Variants in ENTREP2 observed in about 807,000 individuals in gnomAD.
The protein encoded by ENTREP2 is protein ENTREP2.
the ENTREP2 span, among the ~76,000 whole-genome samples, chr15:29,353,350 C>A: frequency 6.6e-6 from 1 of 152,130 alleles, no homozygotes; most frequent in African/African-American, 2.4e-5. Flanking sequence ...CAGACAAGAG[C>A]CCTGTGTGTC....
At chr15:29,640,210 T>C in the ENTREP2 span, among the ~76,000 whole-genome samples, 1 of 152,146 alleles carries the variant, frequency 6.6e-6, no homozygotes, top group African/African-American at 2.4e-5. Flanking sequence ...TAAAAAAGAA[T>C]TGTGAGGAAA....
chr15:29,150,527 T>C, the ENTREP2 span, among the ~76,000 whole-genome samples: 1 of 152,250 alleles, frequency 6.6e-6, no homozygotes, highest in South Asian at 2.1e-4. Flanking sequence ...ACCTTTCCTT[T>C]ACAGAACACG....
At chr15:29,467,687 G>A in the ENTREP2 span, among the ~76,000 whole-genome samples, 1 of 152,120 alleles carries the variant, frequency 6.6e-6, no homozygotes, top group Admixed American at 6.5e-5. Context: ...CTCCTTAGAG[G>A]AACACACGTT....
At chr15:29,133,333 C>T in the ENTREP2 span, among the ~76,000 whole-genome samples, 1 of 152,186 alleles carries the variant, frequency 6.6e-6, no homozygotes, top group East Asian at 1.9e-4. Flanking sequence ...GGCTTTTATA[C>T]CCCCAACTTC....
chr15:29,653,347 T>C, the ENTREP2 span, among the ~76,000 whole-genome samples: 1 of 152,188 alleles, frequency 6.6e-6, no homozygotes, highest in South Asian at 2.1e-4. Flanking sequence ...CTCTAACCCT[T>C]ATATCGATTT....
the ENTREP2 span, among the ~76,000 whole-genome samples, chr15:29,394,883 T>TC: frequency 7.2e-3 from 506 of 70,512 alleles, 1 homozygote; most frequent in East Asian, 0.019. Context: ...TCAGAATCTC[T>TC]TTTTTTTTTT....
chr15:29,158,693 C>T, the ENTREP2 span, among the ~76,000 whole-genome samples: 1,653 of 149,428 alleles, frequency 0.011, 17 homozygotes, highest in Non-Finnish European at 0.018. Flanking sequence ...TATAAAATTC[C>T]TTTACAAGGT....
chr15:29,466,955 C>T, the ENTREP2 span, among the ~76,000 whole-genome samples: 2 of 133,168 alleles, frequency 1.5e-5, no homozygotes, highest in African/African-American at 5.7e-5. Flanking sequence ...CAGGGGAGGG[C>T]CCAGGGGAGG....
the ENTREP2 span, chr15:29,381,749 CA>C: frequency 3.2e-6 from 5 of 1,549,178 alleles, no homozygotes; most frequent in Admixed American, 2.0e-5. Context: ...GCTCCAAGGC[CA>C]CCTGGAGACG....
the ENTREP2 span, among the ~76,000 whole-genome samples, chr15:29,213,531 T>C: frequency 3.3e-5 from 5 of 152,158 alleles, no homozygotes; most frequent in African/African-American, 1.2e-4. Flanking sequence ...GATTCCTAGG[T>C]ATTTTATTCT....
the ENTREP2 span, among the ~76,000 whole-genome samples, chr15:29,655,859 TAGTAAA>T: frequency 1.3e-5 from 2 of 152,008 alleles, no homozygotes; most frequent in Non-Finnish European, 2.9e-5. Context: ...ACTCTGTCTC[TAGTAAA>T]AGTGCAAAAA....
At chr15:29,240,288 C>T in the ENTREP2 span, among the ~76,000 whole-genome samples, 15 of 151,702 alleles carry the variant, frequency 9.9e-5, no homozygotes, top group African/African-American at 2.7e-4. Flanking sequence ...CGCTTGAACC[C>T]GGGAGGCGGA....
At chr15:29,428,879 T>C in the ENTREP2 span, among the ~76,000 whole-genome samples, 1 of 152,176 alleles carries the variant, frequency 6.6e-6, no homozygotes, top group African/African-American at 2.4e-5. Context: ...GGATCACCAG[T>C]GTCACAAGCA....
chr15:29,640,910 G>A, the ENTREP2 span, among the ~76,000 whole-genome samples: 1 of 152,102 alleles, frequency 6.6e-6, no homozygotes, highest in Non-Finnish European at 1.5e-5. Context: ...TATGAGTACA[G>A]ATGCAAAAAT....
chr15:29,197,686 A>G, the ENTREP2 span, among the ~76,000 whole-genome samples: 4 of 152,136 alleles, frequency 2.6e-5, no homozygotes, highest in Middle Eastern at 3.4e-3. Context: ...GAATCGCTTG[A>G]ACCCAGGATG....
chr15:29,574,589 G>A, the ENTREP2 span, among the ~76,000 whole-genome samples: 1 of 152,114 alleles, frequency 6.6e-6, no homozygotes, highest in Admixed American at 6.5e-5. Flanking sequence ...CACCACACCC[G>A]GCCAAGACCA....
chr15:29,553,431 G>C, the ENTREP2 span, among the ~76,000 whole-genome samples: 1,853 of 152,252 alleles, frequency 0.012, 32 homozygotes, highest in African/African-American at 0.042. Context: ...GATACTAATA[G>C]TAATCTGAAA....
At chr15:29,419,543 C>A in the ENTREP2 span, among the ~76,000 whole-genome samples, 1 of 152,172 alleles carries the variant, frequency 6.6e-6, no homozygotes, top group African/African-American at 2.4e-5. Flanking sequence ...AAAAAGAGAA[C>A]AGGGTAGAAG....
the ENTREP2 span, among the ~76,000 whole-genome samples, chr15:29,548,341 T>C: frequency 7.3e-5 from 11 of 151,232 alleles, no homozygotes; most frequent in African/African-American, 2.2e-4. Context: ...CCTGTAATCC[T>C]AGCTACTCAG....
Sources: gnomAD v4.1 joint callset for allele counts (sites outside exome capture counted in the v4.1 genomes callset) on GRCh38, gnomAD v4.1.1 for gene constraint, MANE v1.5 for transcripts, NCBI Gene and HGNC (gene_info 2026-07-23, HGNC 2026-07-21) for gene names.